KLHL7: variants seen among roughly 807,000 people sequenced by gnomAD.
KLHL7 encodes kelch like family member 7, also known as kelch-like protein 7.
In KLHL7, 44 loss-of-function variants were observed where a neutral mutation model predicts 67.4. The observed-to-expected ratio is 0.65, with a 90% CI of 0.51 to 0.84. The LOEUF is 0.84. KLHL7 is among the 40% of genes least tolerant of loss of function. The probability of loss-of-function intolerance (pLI) is 0.00; values close to 1 mark genes in which losing one functional copy is unlikely to be tolerated. For missense variants in KLHL7, 362 were observed against 718.1 expected, an observed-to-expected ratio of 0.50 and a Z score of 5.67; for synonymous variants, 252 against 243.3, an observed-to-expected ratio of 1.04 and a Z score of -0.33.
chr7:23,144,578 C>G (rs1280380579), intron 6 of KLHL7, among the ~76,000 whole-genome samples: 2 of 152,174 alleles, frequency 1.3e-5, no homozygotes, highest in Non-Finnish European at 2.9e-5. Context: ...ACTGTTTGCT[C>G]TCTAGGCCTG....
chr7:23,141,620 T>G (rs1784184732), intron 5 of KLHL7, among the ~76,000 whole-genome samples: 1 of 152,238 alleles, frequency 6.6e-6, no homozygotes, highest in Non-Finnish European at 1.5e-5. Flanking sequence ...ATTCATTCAT[T>G]CATTCATTCA....
At chr7:23,151,432 T>C (rs935365128) in intron 6 of KLHL7, among the ~76,000 whole-genome samples, 3 of 152,200 alleles carry the variant, frequency 2.0e-5, no homozygotes, top group Non-Finnish European at 4.4e-5. Flanking sequence ...CTTATTGCAT[T>C]TTAGAGTCAT....
chr7:23,145,647 A>G (rs1213357774), intron 6 of KLHL7, among the ~76,000 whole-genome samples: 1 of 152,248 alleles, frequency 6.6e-6, no homozygotes, highest in Non-Finnish European at 1.5e-5. Context: ...ATATTGTCTC[A>G]GGGAACTATA....
rs1279466256 is a variant in KLHL7 at position 23,174,619 on chromosome 7, A to G, written c.*321A>G. ...AGAATAGAAGATTGGCTCATCAGTG[A>G]AGCGCAGTATCTTAGCTCTAGATTC... On this transcript the variant is annotated 3_prime_UTR_variant, in exon 11 of 11. Coordinates refer to ENST00000339077, the MANE Select transcript of KLHL7 (RefSeq NM_001031710.3). 3 of 488,488 alleles carry G rather than the reference A, an allele frequency of 6.1e-6. No individual in the cohort carries two copies. The highest frequency in any genetic ancestry group is 1.2e-5 in the Non-Finnish European group (3 of 249,920). The allele number at this position is 488,488 out of a possible 1,614,324, so 30.3% of individuals were successfully genotyped here. A position where few individuals can be genotyped will look rare whatever the true frequency, so the allele number is the denominator to read the frequency against.
chr7:23,177,568 C>T lies in KLHL7; in HGVS notation c.*3270C>T, dbSNP rs150588904. 1.3e-5 allele frequency: 2 copies of T among 152,238 alleles called. No individual in the cohort carries two copies. The highest frequency in any genetic ancestry group is 2.4e-5 in the African/African-American group (1 of 41,546). 9.4% of individuals were successfully genotyped at this position (152,238 alleles called of 1,614,324 possible). ...AGTACACTCACCATACTGACAAGCA[C>T]ATTTTCTATTTTGTTGCCCAAAACT... On this transcript the variant is annotated 3_prime_UTR_variant, in exon 11 of 11. Coordinates refer to ENST00000339077, the MANE Select transcript of KLHL7 (RefSeq NM_001031710.3).
At chr7:23,106,357 A>T in intron 1 of KLHL7, 4 of 1,404,846 alleles carry the variant, frequency 2.8e-6, no homozygotes, top group East Asian at 2.8e-5. Context: ...TCTGCCGAGG[A>T]TGTAGCTCCC....
At chr7:23,119,778 ATTT>A (rs199822526) in intron 1 of KLHL7, among the ~76,000 whole-genome samples, 3 of 148,912 alleles carry the variant, frequency 2.0e-5, no homozygotes, top group African/African-American at 7.4e-5. Context: ...ATGACTTGGG[ATTT>A]TTTTTTCATT....
In KLHL7 at chr7:23,176,093, A is replaced by G. The variant is rs916431887; in HGVS notation, c.*1795A>G. 1 of 151,838 alleles carries G rather than the reference A, an allele frequency of 6.6e-6. No homozygotes were observed. Among genetic ancestry groups the G allele is most frequent in the African/African-American group, 2.4e-5 (1 of 41,290 alleles). 9.4% of individuals were successfully genotyped at this position (151,838 alleles called of 1,614,324 possible). On this transcript the variant is annotated 3_prime_UTR_variant, in exon 11 of 11. Coordinates refer to ENST00000339077, the MANE Select transcript of KLHL7 (RefSeq NM_001031710.3). ...TTGTACTGATTAGCAATGGTTCCCT[A>G]TTTCCCCCAACGCCCCTGTATTTCC...
intron 4 of KLHL7, among the ~76,000 whole-genome samples, chr7:23,128,565 G>A (rs530824095): frequency 6.6e-6 from 1 of 151,688 alleles, no homozygotes; most frequent in Non-Finnish European, 1.5e-5. Context: ...GATCAAAAGA[G>A]AGCTTACATT....
At chr7:23,124,538 A>G (rs765005759) in intron 2 of KLHL7, 150 bp from the exon 3 acceptor site, 22 of 695,856 alleles carry the variant, frequency 3.2e-5, no homozygotes, top group Non-Finnish European at 4.8e-5. Flanking sequence ...TGCATTGACT[A>G]TAGAAATGTT....
At chr7:23,130,229 GT>G (rs1237052705) in intron 4 of KLHL7, among the ~76,000 whole-genome samples, 1 of 152,142 alleles carries the variant, frequency 6.6e-6, no homozygotes, top group Non-Finnish European at 1.5e-5. Context: ...TTCTGGAAAA[GT>G]TTTTAAAAGT....
chr7:23,158,095 G>C (rs1044182705), intron 7 of KLHL7, among the ~76,000 whole-genome samples: 2 of 152,128 alleles, frequency 1.3e-5, no homozygotes, highest in South Asian at 2.1e-4. Flanking sequence ...CTCTCTAGTA[G>C]TTGGGACTTT....
chr7:23,172,972 T>G lies in KLHL7; in HGVS notation c.1404T>G (p.Ile468Met), dbSNP rs1197143665. Reference protein sequence around the residue: ...TETWTELCPMIEARKNHGLVF... With the variant: ...TETWTELCPMMEARKNHGLVF... ...GATGGACTGAGCTGTGTCCAATGAT[T>G]GAAGCCAGGAAGAATCATGGGCTGG... Residue 468 changes from isoleucine (I) to methionine (M), a missense_variant, in exon 10 of 11, where the codon ATT (isoleucine) becomes ATG (methionine). This residue lies in a region of KLHL7 where 136 missense variants were observed against 252.7 expected (regional missense o/e 0.54). Transcript: ENST00000339077. 2 of 1,613,746 alleles carry G rather than the reference T, an allele frequency of 1.2e-6. No individual in the cohort carries two copies. Among genetic ancestry groups the G allele is most frequent in the East Asian group, 4.5e-5 (2 of 44,838 alleles).
At chr7:23,170,996 C>G (rs113260733) in intron 9 of KLHL7, 3,345 of 151,008 alleles carry the variant, frequency 0.022, 120 homozygotes, top group African/African-American at 0.079. Context: ...CAACTTCTGC[C>G]TCCCAGGTTC....
At chr7:23,118,969 C>T (rs888249163) in intron 1 of KLHL7, among the ~76,000 whole-genome samples, 1 of 151,770 alleles carries the variant, frequency 6.6e-6, no homozygotes, top group Non-Finnish European at 1.5e-5. Context: ...CTACTTGGGA[C>T]GAGGGGTGGG....
intron 1 of KLHL7, among the ~76,000 whole-genome samples, chr7:23,115,638 G>A (rs1332565221): frequency 6.6e-6 from 1 of 151,922 alleles, no homozygotes; most frequent in Non-Finnish European, 1.5e-5. Flanking sequence ...CTGCCTCCCA[G>A]GTTCAAGCAT....
rs186035888 is a variant in KLHL7 at position 23,167,074 on chromosome 7, G to A, written c.1178-762G>A. 3.3e-5 allele frequency among the ~76,000 whole-genome samples: 5 copies of A among 151,728 alleles called. No homozygotes were observed. In the East Asian group the frequency reaches 9.7e-4, roughly 30 times the overall value. On this transcript the variant is annotated intron_variant, in intron 8 of 10. Transcript: ENST00000339077. ...GTCGTTTTTAAATCATTTGATATTA[G>A]CCCAGAATGGTGGGAGATGAGAAAT...
intron 5 of KLHL7, among the ~76,000 whole-genome samples, chr7:23,141,845 G>A (rs1289912949): frequency 6.6e-6 from 1 of 152,196 alleles, no homozygotes; most frequent in South Asian, 2.1e-4. Context: ...GGATGGTCTA[G>A]ATCTCCTGAC....
intron 6 of KLHL7, among the ~76,000 whole-genome samples, chr7:23,151,271 C>T (rs1339732065): frequency 6.7e-6 from 1 of 150,300 alleles, no homozygotes; most frequent in Non-Finnish European, 1.5e-5. Context: ...GGTATAATTT[C>T]TTTCTTCATA....
Sources: gnomAD v4.1 joint callset for allele counts (sites outside exome capture counted in the v4.1 genomes callset) on GRCh38, gnomAD v4.1.1 for gene constraint, gnomAD v4.1.1 regional missense constraint, MANE v1.5 for transcripts, NCBI Gene and HGNC (gene_info 2026-07-23, HGNC 2026-07-21) for gene names.